NFATC1: variants seen among roughly 807,000 people sequenced by gnomAD.
NFATC1 encodes the protein nuclear factor of activated T cells 1, also known as nuclear factor of activated T-cells, cytoplasmic 1.
Under a neutral mutation model 76.0 loss-of-function variants are expected in NFATC1, and 22 were observed. That is an observed-to-expected ratio of 0.29 (90% CI 0.21 to 0.41). The LOEUF is 0.41. NFATC1 is among the 10% of genes least tolerant of loss of function. The pLI is 1.00. For missense variants in NFATC1, 1,357 were observed against 1,337.7 expected (o/e 1.01, Z -0.23); for synonymous variants, 704 against 613.1 (o/e 1.15, Z -2.19).
At chr18:79,403,158 C>T (rs369250739) in intron 1 of NFATC1, among the ~76,000 whole-genome samples, 8 of 152,344 alleles carry the variant, frequency 5.3e-5, no homozygotes, top group South Asian at 2.1e-4. Context: ...GCCTGGCCCA[C>T]GCCGCTGTGG....
chr18:79,466,098 G>A (rs28587089), intron 7 of NFATC1, among the ~76,000 whole-genome samples: 9,916 of 152,266 alleles, frequency 0.065, 1,098 homozygotes, highest in African/African-American at 0.22. Context: ...GCAGGGGTGC[G>A]GGGAGGGCAT....
chr18:79,451,961 C>A, intron 6 of NFATC1, 145 bp downstream of exon 6: 1 of 933,252 alleles, frequency 1.1e-6, no homozygotes, highest in Non-Finnish European at 1.5e-6. Context: ...CTCTGCGTGG[C>A]CCGTGTCTGC....
Position 79,529,237 on chromosome 18 carries a change from G to C in NFATC1, c.*1660G>C, listed in dbSNP as rs1390482922. Reference sequence around the variant, plus strand: ...CACGTGCAGCCTTTCTCAGGGGACTGTCATTGAAAAGGAAACGTTTGATGT... The same window carrying C: ...CACGTGCAGCCTTTCTCAGGGGACTCTCATTGAAAAGGAAACGTTTGATGT... On this transcript the variant is annotated 3_prime_UTR_variant, in exon 10 of 10. Transcript: ENST00000427363. 6.6e-6 allele frequency: 1 copy of C among 152,256 alleles called. No homozygotes were observed. Among genetic ancestry groups the C allele is most frequent in the African/African-American group, 2.4e-5 (1 of 41,464 alleles). 9.4% of individuals were successfully genotyped at this position (152,256 alleles called of 1,614,324 possible). A position where few individuals can be genotyped will look rare whatever the true frequency, so the allele number is the denominator to read the frequency against.
rs181087632 is a variant in NFATC1, at chr18:79,438,533, G to C, written c.1386+4795G>C. 3.9e-5 allele frequency among the ~76,000 whole-genome samples: 6 copies of C among 152,324 alleles called. No homozygotes were observed. The East Asian group carries it at 1.2e-3, about 29-fold the overall frequency. On this transcript the variant is annotated intron_variant, in intron 3 of 9. Coordinates refer to ENST00000427363, the MANE Select transcript of NFATC1 (RefSeq NM_001278669.2). ...CCCGATAGCATCTCACCCATCACAC[G>C]GGAGGCCGGGCTCGTGTGAATAATT...
intron 2 of NFATC1, among the ~76,000 whole-genome samples, chr18:79,428,254 G>A (rs530515917): frequency 6.6e-6 from 1 of 152,312 alleles, no homozygotes; most frequent in South Asian, 2.1e-4. Flanking sequence ...TTTTACCGCT[G>A]CTGGTTTAGA....
rs116955659 is a variant in NFATC1, at chr18:79,503,617, C to T, written c.2782+16680C>T. Among the ~76,000 whole-genome samples, 1,428 of 152,214 alleles carry T rather than the reference C, an allele frequency of 9.4e-3. 13 individuals are homozygous for T. The highest frequency in any genetic ancestry group is 0.014 in the Non-Finnish European group (969 of 67,998). On this transcript the variant is annotated intron_variant, in intron 9 of 9. Coordinates refer to ENST00000427363, the MANE Select transcript of NFATC1 (RefSeq NM_001278669.2). Reference sequence around the variant, plus strand: ...TCATTCTTAGGGGCCTTGGGATTTTCGGGGTGGCAGATGGACACTGGATTC... The same window carrying T: ...TCATTCTTAGGGGCCTTGGGATTTTTGGGGTGGCAGATGGACACTGGATTC...
rs575944329 is a variant in NFATC1 at position 79,506,027 on chromosome 18, A to T, written c.2782+19090A>T. ...AATCACTGAATTTTGTGCCCTTCTC[A>T]AGGGTGCATTACCTGTGTGAAACGT... is the stretch of plus-strand genomic sequence containing the variant. On this transcript the variant is annotated intron_variant, in intron 9 of 9. Coordinates refer to ENST00000427363, the MANE Select transcript of NFATC1 (RefSeq NM_001278669.2). 3.9e-5 allele frequency among the ~76,000 whole-genome samples: 6 copies of T among 152,308 alleles called. No homozygotes were observed. The South Asian group carries it at 1.2e-3, about 32-fold the overall frequency.
chr18:79,472,096 C>T (rs1012212651), intron 8 of NFATC1, among the ~76,000 whole-genome samples: 27 of 152,136 alleles, frequency 1.8e-4, no homozygotes, highest in African/African-American at 6.5e-4. Context: ...GGTCCTGTGG[C>T]CTTGGGTCCA....
intron 1 of NFATC1, among the ~76,000 whole-genome samples, chr18:79,405,459 C>T (rs1310589403): frequency 6.6e-6 from 1 of 152,216 alleles, no homozygotes; most frequent in Non-Finnish European, 1.5e-5. Context: ...TAAATATGAT[C>T]CCTTTGAATA....
Position 79,484,863 on chromosome 18 carries a change from C to T in NFATC1, c.2093-1385C>T, listed in dbSNP as rs548717097. 1.2e-4 allele frequency among the ~76,000 whole-genome samples: 18 copies of T among 152,212 alleles called. No homozygotes were observed. The South Asian group carries it at 2.9e-3, about 25-fold the overall frequency. ...GGACCTGTGCGGGGGGGGAAGAGGGCGGCTGCAGGGGAGGCCGCACGTGGC... is the reference window on the plus strand; with the variant it reads ...GGACCTGTGCGGGGGGGGAAGAGGGTGGCTGCAGGGGAGGCCGCACGTGGC... On this transcript the variant is annotated intron_variant, in intron 8 of 9. Coordinates refer to ENST00000427363, the MANE Select transcript of NFATC1 (RefSeq NM_001278669.2).
chr18:79,406,188 C>T (rs2085431703), intron 1 of NFATC1, among the ~76,000 whole-genome samples: 1 of 152,234 alleles, frequency 6.6e-6, no homozygotes, highest in South Asian at 2.1e-4. Flanking sequence ...AAAAATTCTT[C>T]AGAATTACCT....
intron 9 of NFATC1, among the ~76,000 whole-genome samples, chr18:79,502,207 G>A (rs752266705): frequency 5.9e-5 from 9 of 152,252 alleles, no homozygotes; most frequent in East Asian, 1.9e-4. Flanking sequence ...TTATGTCTGC[G>A]GTAAATTGAT....
chr18:79,476,870 A>G (rs986421409), intron 8 of NFATC1, among the ~76,000 whole-genome samples: 1 of 152,086 alleles, frequency 6.6e-6, no homozygotes, highest in East Asian at 1.9e-4. Flanking sequence ...CGTGGTCGTG[A>G]CTCCGGAAGA....
rs564011617 is a variant in NFATC1 at position 79,473,552 on chromosome 18, C to G, written c.2092+5970C>G. 1.3e-4 allele frequency among the ~76,000 whole-genome samples: 19 copies of G among 144,600 alleles called. No individual in the cohort carries two copies. In the South Asian group the frequency reaches 1.8e-3, roughly 13 times the overall value. The allele number at this position is 144,600 out of a possible 152,430, so 94.9% of individuals were successfully genotyped here. On this transcript the variant is annotated intron_variant, in intron 8 of 9. Transcript: ENST00000427363. The stretch of plus-strand genomic sequence containing the variant: ...TCTCGCGCTCACTGTCGACGTAAAC[C>G]TGAGGGAAGCGTGTTCTCGCGCTCA...
chr18:79,480,142 G>T (rs551165648), intron 8 of NFATC1, among the ~76,000 whole-genome samples: 1 of 152,212 alleles, frequency 6.6e-6, no homozygotes, highest in Non-Finnish European at 1.5e-5. Context: ...ACAAGATGCC[G>T]TCGTGGGTGG....
At chr18:79,504,124 T>C (rs1409731112) in intron 9 of NFATC1, among the ~76,000 whole-genome samples, 8 of 152,068 alleles carry the variant, frequency 5.3e-5, no homozygotes, top group Non-Finnish European at 1.5e-5. Flanking sequence ...TTATCATCGG[T>C]GTTGTTCACT....
At chr18:79,482,712 G>C (rs1211468360) in intron 8 of NFATC1, among the ~76,000 whole-genome samples, 1 of 130,468 alleles carries the variant, frequency 7.7e-6, no homozygotes, top group Non-Finnish European at 1.6e-5. Flanking sequence ...TTCCTGGGGT[G>C]TAATTCCAGC....
intron 7 of NFATC1, 126 bp downstream of exon 7, chr18:79,461,492 A>G: frequency 1.6e-6 from 1 of 607,284 alleles, no homozygotes; most frequent in African/African-American, 7.1e-5. Flanking sequence ...AGAATGAAAC[A>G]AATAAAAATA....
rs187318688 is a variant in NFATC1, at chr18:79,476,509, G to A, written c.2092+8927G>A. Reference sequence around the variant, plus strand: ...GCAGCACGGGGCCACCACACAGCCTGAGGCCCCACTTGCGCTTCCCCTCGC... The same window carrying A: ...GCAGCACGGGGCCACCACACAGCCTAAGGCCCCACTTGCGCTTCCCCTCGC... On this transcript the variant is annotated intron_variant, in intron 8 of 9. Coordinates refer to ENST00000427363, the MANE Select transcript of NFATC1 (RefSeq NM_001278669.2). Among the ~76,000 whole-genome samples the A allele has an allele frequency of 2.3e-3, 355 of 152,382 alleles. 1 individual carries two copies. The highest frequency in any genetic ancestry group is 8.2e-3 in the African/African-American group (340 of 41,598).
Sources: allele counts gnomAD v4.1 joint callset (sites outside exome capture counted in the v4.1 genomes callset), GRCh38; gene constraint gnomAD v4.1.1; transcripts MANE v1.5; gene names NCBI Gene and HGNC (gene_info 2026-07-23, HGNC 2026-07-21).